LRIT1: variants seen among roughly 807,000 people sequenced by gnomAD.
LRIT1 encodes leucine-rich repeat, immunoglobulin-like domain and transmembrane domain-containing protein 1.
LRIT1 carries 23 observed loss-of-function variants against 24.0 expected under a neutral mutation model. The observed-to-expected ratio is 0.96, with a 90% CI of 0.69 to 1.36. The LOEUF (loss-of-function observed/expected upper bound fraction) is 1.36, where lower values mean the gene tolerates loss of function less well. LRIT1 is among the 40% of genes most tolerant of loss of function. The probability of loss-of-function intolerance (pLI) is 0.00; values close to 1 mark genes in which losing one functional copy is unlikely to be tolerated. For missense variants in LRIT1, 846 were observed against 806.3 expected (o/e 1.05, Z -0.60); for synonymous variants, 361 against 340.5 (o/e 1.06, Z -0.66).
chr10:84,236,818 T>G (rs1369987257), intron 2 of LRIT1, among the ~76,000 whole-genome samples: 1 of 152,234 alleles, frequency 6.6e-6, no homozygotes, highest in Non-Finnish European at 1.5e-5. Context: ...TTTTCCAGAA[T>G]GAATTATGCC....
chr10:84,235,590 CT>C (rs1269147772), intron 2 of LRIT1, among the ~76,000 whole-genome samples: 1 of 106,674 alleles, frequency 9.4e-6, no homozygotes, highest in African/African-American at 6.9e-5. Flanking sequence ...CTTTTGTTCT[CT>C]GCTGTATTCC....
At position 84,232,739 on chromosome 10, in the gene LRIT1, G is replaced by C. The variant is rs1374367521; in HGVS notation, c.1060C>G (p.His354Asp). 1.2e-6 allele frequency: 2 copies of C among 1,613,960 alleles called. No homozygotes were observed. Among genetic ancestry groups the C allele is most frequent in the Non-Finnish European group, 1.7e-6 (2 of 1,180,012 alleles). The stretch of plus-strand genomic sequence containing the variant: ...CATAGTGCTCCTGGGCTCCCACTGT[G>C]TTCTGTGGAAGTCGGTGGCTCAGTG... ...IVTEPPTSTE[H>D]SGSPGALWAR... Residue 354 changes from histidine (H) to aspartate (D), a missense_variant, in exon 4 of 4, where the codon CAC (histidine) becomes GAC (aspartate). Transcript: ENST00000372105.
Position 84,231,661 on chromosome 10 carries a change from C to A in LRIT1, c.*266G>T. ...TGATACAGGCAAGTTTCTTAACCCCCCACCCCAGGGAAATGGAGAGAATAG... is the reference window on the plus strand; with the variant it reads ...TGATACAGGCAAGTTTCTTAACCCCACACCCCAGGGAAATGGAGAGAATAG... On this transcript the variant is annotated 3_prime_UTR_variant, in exon 4 of 4. Coordinates refer to ENST00000372105, the MANE Select transcript of LRIT1 (RefSeq NM_015613.3). The A allele has an allele frequency of 2.1e-6, 1 of 472,710 alleles. No homozygotes were observed. Among genetic ancestry groups the A allele is most frequent in the Non-Finnish European group, 3.8e-6 (1 of 262,990 alleles). The allele number at this position is 472,710 out of a possible 1,614,324, so 29.3% of individuals were successfully genotyped here. A position where few individuals can be genotyped will look rare whatever the true frequency, so the allele number is the denominator to read the frequency against.
intron 3 of LRIT1, among the ~76,000 whole-genome samples, chr10:84,233,713 T>C (rs1468724164): frequency 6.6e-6 from 1 of 152,234 alleles, no homozygotes; most frequent in Non-Finnish European, 1.5e-5. Flanking sequence ...CATCATTAAT[T>C]ACTCCAGGTA....
In LRIT1 at chr10:84,234,129, A is replaced by T. The variant is rs1366138198; in HGVS notation, c.839T>A (p.Val280Asp). The T allele has an allele frequency of 6.2e-7, 1 of 1,601,678 alleles. No homozygotes were observed. Among genetic ancestry groups the T allele is most frequent in the Admixed American group, 1.7e-5 (1 of 58,520 alleles). Residue 280 changes from valine to aspartate, a missense_variant, in exon 3 of 4, where the codon GTC becomes GAC. Coordinates refer to ENST00000372105, the MANE Select transcript of LRIT1 (RefSeq NM_015613.3). ...CCTCCAGCTCATCTCGGGCCCAGGG[A>T]CTCCAGTAGCTCCACAGCGTAGCAG... ...TALLRCGATG[V>D]PGPEMSWRRA...
Position 84,232,311 on chromosome 10 carries a change from C to G in LRIT1, c.1488G>C (p.Ala496=), listed in dbSNP as rs113611523. 3.7e-6 allele frequency: 6 copies of G among 1,613,944 alleles called. No individual in the cohort carries two copies. In the African/African-American group the frequency reaches 6.7e-5, roughly 18 times the overall value. The change falls in exon 4 of 4, where the codon GCG becomes GCC. Residue 496 remains alanine (A), a synonymous_variant. Transcript: ENST00000372105. ...GCACCAGGCCCTGCACACAGACACA[C>G]GCCACATACTTGGTCTTGGGCAACA... ...TGLLPKTKYV[A]CVCVQGLVPR...
rs557814564 is a variant in LRIT1, at chr10:84,241,469, G to A, written c.-30C>T. The A allele has an allele frequency of 1.1e-5, 16 of 1,508,550 alleles. No individual in the cohort carries two copies. The highest frequency in any genetic ancestry group is 6.6e-5 in the South Asian group (5 of 75,790). 93.4% of individuals were successfully genotyped at this position (1,508,550 alleles called of 1,614,324 possible). A position where few individuals can be genotyped will look rare whatever the true frequency, so the allele number is the denominator to read the frequency against. On this transcript the variant is annotated 5_prime_UTR_variant, in exon 1 of 4. Coordinates refer to ENST00000372105, the MANE Select transcript of LRIT1 (RefSeq NM_015613.3). ...CCTGGCTCCTCTCTGGCCCAGGCAGGGGCCTGTCCCTGGACCGCTCCGTCC... is the reference window on the plus strand; with the variant it reads ...CCTGGCTCCTCTCTGGCCCAGGCAGAGGCCTGTCCCTGGACCGCTCCGTCC...
rs1001512828 is a variant in LRIT1 at position 84,234,289 on chromosome 10, C to A, written c.679G>T (p.Glu227Ter). 1 of 1,610,998 alleles carries A rather than the reference C, an allele frequency of 6.2e-7. No homozygotes were observed. Among genetic ancestry groups the A allele is most frequent in the Admixed American group, 1.7e-5 (1 of 59,356 alleles). The stretch of plus-strand genomic sequence containing the variant: ...GGGCTGGCACATCTCAGTTCAGTCT[C>A]AATGAAGGCCAAGTTTGGGGCCCAG... ...DGWAPNLAFI[E>*]TELRCASPRS... Residue 227 changes from glutamate (E) to a stop codon, truncating the protein, a stop_gained, in exon 3 of 4, where the codon GAG (glutamate) becomes TAG (stop). Transcript: ENST00000372105. LOFTEE classifies it high-confidence loss of function.
At chr10:84,239,547 G>T (rs143308814) in intron 1 of LRIT1, among the ~76,000 whole-genome samples, 52 of 152,308 alleles carry the variant, frequency 3.4e-4, no homozygotes, top group Admixed American at 8.5e-4. Context: ...GAGAGAAAAC[G>T]GTAAAAGGGG....
In LRIT1 at chr10:84,231,710, T is replaced by A. The variant is rs965259897; in HGVS notation, c.*217A>T. The A allele has an allele frequency of 7.1e-6, 4 of 566,096 alleles. No individual in the cohort carries two copies. Among genetic ancestry groups the A allele is most frequent in the African/African-American group, 5.6e-5 (3 of 53,438 alleles). 35.1% of individuals were successfully genotyped at this position (566,096 alleles called of 1,614,324 possible). ...AGTGATGCCTGCTGCAAATGATTGT[T>A]ACAAGAATTTAGCACTTAGAACACT... On this transcript the variant is annotated 3_prime_UTR_variant, in exon 4 of 4. Transcript: ENST00000372105.
chr10:84,236,421 G>T (rs949033761), intron 2 of LRIT1, among the ~76,000 whole-genome samples: 1 of 152,068 alleles, frequency 6.6e-6, no homozygotes, highest in Non-Finnish European at 1.5e-5. Context: ...GTATAAATAT[G>T]TTTATAACAT....
rs148834612 is a variant in LRIT1 at position 84,238,425 on chromosome 10, C to CA, written c.123-740dup. On this transcript the variant is annotated intron_variant, in intron 1 of 3. Transcript: ENST00000372105. ...GTAACTGTTTTGGTTTATCGTTTAACAAAAAATATACCAAGGACATCAAAA... is the reference window on the plus strand; with the variant it reads ...GTAACTGTTTTGGTTTATCGTTTAACAAAAAAATATACCAAGGACATCAAAA... Among the ~76,000 whole-genome samples the CA allele has an allele frequency of 7.4e-3, 1,119 of 151,696 alleles. 37 individuals carry two copies. The highest frequency in any genetic ancestry group is 0.06 in the East Asian group (312 of 5,162).
At chr10:84,237,772 G>T in intron 1 of LRIT1, 86 bp from the exon 2 acceptor site, 1 of 1,038,850 alleles carries the variant, frequency 9.6e-7, no homozygotes, top group Non-Finnish European at 1.4e-6. Flanking sequence ...GAGGCCTCCA[G>T]TTCTGCCTGT....
Position 84,231,885 on chromosome 10 carries a change from G to A in LRIT1, c.*42C>T, listed in dbSNP as rs1842599472. On this transcript the variant is annotated 3_prime_UTR_variant, in exon 4 of 4. Coordinates refer to ENST00000372105, the MANE Select transcript of LRIT1 (RefSeq NM_015613.3). The stretch of plus-strand genomic sequence containing the variant: ...TACTCAGGTGTCAGAGCTAAAGAAG[G>A]AGCGTGGGCAGGCAGGTGTGTGAGT... 1.3e-6 allele frequency: 2 copies of A among 1,560,356 alleles called. No homozygotes were observed. The highest frequency in any genetic ancestry group is 1.7e-6 in the Non-Finnish European group (2 of 1,154,280).
intron 1 of LRIT1, among the ~76,000 whole-genome samples, chr10:84,239,266 G>C (rs934338189): frequency 6.6e-6 from 1 of 152,210 alleles, no homozygotes; most frequent in African/African-American, 2.4e-5. Flanking sequence ...AGCATTTACA[G>C]CAATGATATT....
At chr10:84,233,792 C>G (rs865851031) in intron 3 of LRIT1, among the ~76,000 whole-genome samples, 1 of 152,190 alleles carries the variant, frequency 6.6e-6, no homozygotes, top group Non-Finnish European at 1.5e-5. Flanking sequence ...GGGTCTTCCA[C>G]CAAAAAGTCA....
Position 84,241,416 on chromosome 10 carries a change from G to C in LRIT1, c.24C>G (p.Leu8=), listed in dbSNP as rs1842690518. MRVALGM[L]WLLALAWPPQ... ...GGGGCCACGCAAGGGCCAAGAGCCA[G>C]AGCATGCCTAATGCCACCCTCATGG... Residue 8 remains leucine, a synonymous_variant, in exon 1 of 4, where the codon CTC becomes CTG. Coordinates refer to ENST00000372105, the MANE Select transcript of LRIT1 (RefSeq NM_015613.3). 1 of 1,603,892 alleles carries C rather than the reference G, an allele frequency of 6.2e-7. No homozygotes were observed. Among genetic ancestry groups the C allele is most frequent in the Non-Finnish European group, 8.5e-7 (1 of 1,175,718 alleles).
In LRIT1 at chr10:84,231,647, A is replaced by C; in HGVS notation, c.*280T>G. ...CAGCAAAAGCTGACTGATACAGGCA[A>C]GTTTCTTAACCCCCCACCCCAGGGA... On this transcript the variant is annotated 3_prime_UTR_variant, in exon 4 of 4. Transcript: ENST00000372105. 2.3e-6 allele frequency: 1 copy of C among 439,658 alleles called. No homozygotes were observed. Among genetic ancestry groups the C allele is most frequent in the Non-Finnish European group, 4.1e-6 (1 of 241,740 alleles). 27.2% of individuals were successfully genotyped at this position (439,658 alleles called of 1,614,324 possible).
chr10:84,239,920 T>C (rs987264631), intron 1 of LRIT1, among the ~76,000 whole-genome samples: 2 of 152,190 alleles, frequency 1.3e-5, no homozygotes, highest in Admixed American at 6.5e-5. Context: ...TCCATGCAGA[T>C]GGGCTGGTGC....
Sources: allele counts gnomAD v4.1 joint callset (sites outside exome capture counted in the v4.1 genomes callset), GRCh38; gene constraint gnomAD v4.1.1; transcripts MANE v1.5; gene names NCBI Gene and HGNC (gene_info 2026-07-23, HGNC 2026-07-21).